Variants in IMMP2L observed in about 807,000 individuals in gnomAD.
IMMP2L encodes mitochondrial inner membrane protease subunit 2.
In IMMP2L, 18 loss-of-function variants were observed where a neutral mutation model predicts 19.3. That is an observed-to-expected ratio of 0.93 (90% confidence interval 0.64 to 1.38). IMMP2L has a LOEUF of 1.38. IMMP2L is among the 40% of genes most tolerant of loss of function. The probability of loss-of-function intolerance (pLI) is 0.00; values close to 1 mark genes in which losing one functional copy is unlikely to be tolerated. For synonymous variants in IMMP2L, 76 were observed against 73.0 expected (o/e 1.04, Z -0.21); for missense variants, 233 against 218.2 (o/e 1.07, Z -0.43).
At chr7:110,897,535 C>T (rs1210156931) in intron 4 of IMMP2L, among the ~76,000 whole-genome samples, 1 of 152,144 alleles carries the variant, frequency 6.6e-6, no homozygotes, top group Non-Finnish European at 1.5e-5. Context: ...AGCAATCTGG[C>T]AGCATCCATA....
intron 3 of IMMP2L, among the ~76,000 whole-genome samples, chr7:111,384,108 C>T (rs924045592): frequency 6.6e-6 from 1 of 151,872 alleles, no homozygotes; most frequent in African/African-American, 2.4e-5. Context: ...TATACCAGTG[C>T]ACTCCAGCCC....
chr7:111,411,546 A>C (rs1435834621), intron 3 of IMMP2L: 2 of 367,166 alleles, frequency 5.4e-6, no homozygotes, highest in African/African-American at 4.3e-5. Context: ...GGTATCTACA[A>C]GACCCCAGCA....
intron 3 of IMMP2L, among the ~76,000 whole-genome samples, chr7:111,356,969 C>T (rs753731314): frequency 1.3e-5 from 2 of 152,042 alleles, no homozygotes; most frequent in Non-Finnish European, 2.9e-5. Context: ...GCAGTGAGCC[C>T]GAGATGGTGC....
At chr7:110,875,387 T>C (rs555179921) in intron 5 of IMMP2L, among the ~76,000 whole-genome samples, 4 of 152,178 alleles carry the variant, frequency 2.6e-5, no homozygotes, top group African/African-American at 7.2e-5. Context: ...GCTTTGTTTT[T>C]GTGTTTGTGT....
Position 111,123,148 on chromosome 7 carries a change from A to G in IMMP2L, c.240-159583T>C, listed in dbSNP as rs1800856652. The G allele has an allele frequency of 6.2e-7, 1 of 1,613,872 alleles. No homozygotes were observed. On this transcript the variant is annotated intron_variant, in intron 3 of 5. Transcript: ENST00000405709. The surrounding 1 kb of genome is among the most constrained non-coding windows in gnomAD (Gnocchi z 6.4). Reference sequence around the variant, plus strand: ...GCTCCTTTCTGTGTACCTAGAGGAAAACAAACTTACTGAACTGCCTGAAAA... The same window carrying G: ...GCTCCTTTCTGTGTACCTAGAGGAAGACAAACTTACTGAACTGCCTGAAAA...
intron 3 of IMMP2L, among the ~76,000 whole-genome samples, chr7:111,044,847 A>G (rs942690422): frequency 6.6e-6 from 1 of 152,190 alleles, no homozygotes; most frequent in African/African-American, 2.4e-5. Flanking sequence ...ATATATAGAC[A>G]GTGGGTAGTT....
chr7:111,146,149 T>C (rs1401970144), intron 3 of IMMP2L, among the ~76,000 whole-genome samples: 1 of 151,194 alleles, frequency 6.6e-6, no homozygotes, highest in Admixed American at 6.6e-5. Flanking sequence ...GAACTACAAA[T>C]GCTAATTAAA....
chr7:111,527,101 G>T (rs1036161196), intron 1 of IMMP2L, among the ~76,000 whole-genome samples: 3 of 151,958 alleles, frequency 2.0e-5, no homozygotes, highest in Non-Finnish European at 4.4e-5. Context: ...ATCTGTCTCT[G>T]TCTATAACCA....
intron 3 of IMMP2L, among the ~76,000 whole-genome samples, chr7:111,027,303 C>G (rs1305834097): frequency 6.6e-6 from 1 of 152,046 alleles, no homozygotes; most frequent in Non-Finnish European, 1.5e-5. Context: ...GAAACGAAGG[C>G]TGATGTTGTG....
intron 5 of IMMP2L, among the ~76,000 whole-genome samples, chr7:110,691,684 C>A (rs550794222): frequency 6.6e-6 from 1 of 151,926 alleles, no homozygotes; most frequent in Non-Finnish European, 1.5e-5. Context: ...AAAAGATAAA[C>A]AAATGGCTGA....
chr7:110,703,382 G>C (rs889588844), intron 5 of IMMP2L, among the ~76,000 whole-genome samples: 1 of 151,750 alleles, frequency 6.6e-6, no homozygotes, highest in South Asian at 2.1e-4. Context: ...TGGAGTATTG[G>C]TATGTAGTTT....
chr7:111,483,882 G>A (rs1189830230), intron 3 of IMMP2L, among the ~76,000 whole-genome samples: 1 of 152,140 alleles, frequency 6.6e-6, no homozygotes, highest in Non-Finnish European at 1.5e-5. Context: ...ACTAATGGCA[G>A]CAAACCAGGA....
At chr7:111,026,577 A>G (rs1314407126) in intron 3 of IMMP2L, among the ~76,000 whole-genome samples, 3 of 152,168 alleles carry the variant, frequency 2.0e-5, no homozygotes, top group Admixed American at 2.0e-4. Flanking sequence ...AATAGCTCGG[A>G]AATTCCAACA....
At chr7:110,946,572 T>C (rs1158780342) in intron 4 of IMMP2L, among the ~76,000 whole-genome samples, 1 of 152,098 alleles carries the variant, frequency 6.6e-6, no homozygotes, top group Non-Finnish European at 1.5e-5. Flanking sequence ...TAAGATTATA[T>C]AACTTAAAAA....
rs141239278 is a variant in IMMP2L, at chr7:110,994,674, G to C, written c.240-31109C>G. 3.8e-3 allele frequency among the ~76,000 whole-genome samples: 585 copies of C among 152,262 alleles called. 4 individuals carry two copies. The highest frequency in any genetic ancestry group is 6.0e-3 in the Admixed American group (92 of 15,272). Reference sequence around the variant, plus strand: ...AACCACTTATAGCTTAGCTGTCTGTGTGTGAGAGAAATACATTTTTACCTT... The same window carrying C: ...AACCACTTATAGCTTAGCTGTCTGTCTGTGAGAGAAATACATTTTTACCTT... On this transcript the variant is annotated intron_variant, in intron 3 of 5. Coordinates refer to ENST00000405709, the MANE Select transcript of IMMP2L (RefSeq NM_032549.4).
chr7:111,366,036 T>G (rs185194436), intron 3 of IMMP2L, among the ~76,000 whole-genome samples: 46 of 152,148 alleles, frequency 3.0e-4, no homozygotes, highest in African/African-American at 1.1e-3. Context: ...TTTGCAACCA[T>G]GACAATAAAG....
intron 3 of IMMP2L, among the ~76,000 whole-genome samples, chr7:111,408,869 T>A (rs965660245): frequency 2.0e-5 from 3 of 151,594 alleles, no homozygotes; most frequent in Admixed American, 2.0e-4. Context: ...AAAGCACAGA[T>A]GTAGAGGAAG....
At chr7:111,462,445 T>C (rs1840216436) in intron 3 of IMMP2L, among the ~76,000 whole-genome samples, 1 of 152,098 alleles carries the variant, frequency 6.6e-6, no homozygotes, top group African/African-American at 2.4e-5. Context: ...GTTAATTACA[T>C]CCAGAAATTA....
intron 2 of IMMP2L, among the ~76,000 whole-genome samples, chr7:111,511,569 A>G (rs1845445762): frequency 2.0e-5 from 3 of 151,294 alleles, no homozygotes; most frequent in African/African-American, 7.3e-5. Flanking sequence ...GAATGTCTTG[A>G]GCCCAGGAAG....
Sources: allele counts gnomAD v4.1 joint callset (sites outside exome capture counted in the v4.1 genomes callset), GRCh38; gene constraint gnomAD v4.1.1; non-coding constraint Gnocchi (gnomAD v3.1); transcripts MANE v1.5; gene names NCBI Gene and HGNC (gene_info 2026-07-23, HGNC 2026-07-21).